Variants in ZNF441 observed in about 807,000 individuals in gnomAD.
The protein encoded by ZNF441 is zinc finger protein 441.
A neutral mutation model predicts 64.5 loss-of-function variants in ZNF441; 25 were observed. The observed-to-expected ratio is 0.39, with a 90% confidence interval of 0.28 to 0.54. ZNF441 has a LOEUF of 0.54. ZNF441 is among the 20% of genes least tolerant of loss of function. ZNF441 has a pLI of 0.70. For missense variants in ZNF441, 715 were observed against 843.3 expected (o/e 0.85, Z 1.88); for synonymous variants, 262 against 268.0 (o/e 0.98, Z 0.22).
chr19:11,777,263 G>T (rs1480336078), intron 1 of ZNF441, among the ~76,000 whole-genome samples: 1 of 151,922 alleles, frequency 6.6e-6, no homozygotes, highest in Admixed American at 6.5e-5. Flanking sequence ...GAGCCTTCTT[G>T]CTGGTAACTC....
chr19:11,780,448 T>C lies in ZNF441; in HGVS notation c.624T>C (p.Pro208=), dbSNP rs769222237. 3 of 1,614,118 alleles carry C rather than the reference T, an allele frequency of 1.9e-6. No homozygotes were observed. Among genetic ancestry groups the C allele is most frequent in the South Asian group, 2.2e-5 (2 of 91,072 alleles). ...CKLCGNAFIW[P]SLFHMLRRTH... ...TGTGTGGAAACGCCTTTATTTGGCC[T>C]AGTTTATTTCATATGCTTAGAAGAA... Residue 208 remains proline, a synonymous_variant, in exon 4 of 4, where the codon CCT becomes CCC. Transcript: ENST00000357901.
intron 3 of ZNF441, among the ~76,000 whole-genome samples, chr19:11,779,669 C>T (rs1237631363): frequency 6.6e-6 from 1 of 151,286 alleles, no homozygotes; most frequent in Non-Finnish European, 1.5e-5. Flanking sequence ...GGTGTGAACC[C>T]GGGGGAGGTA....
chr19:11,774,682 C>T (rs1975340971), intron 1 of ZNF441, among the ~76,000 whole-genome samples: 1 of 152,088 alleles, frequency 6.6e-6, no homozygotes, highest in Admixed American at 6.5e-5. Flanking sequence ...GTTCTTTGTT[C>T]ATAATTGCCT....
chr19:11,770,204 AC>A (rs1397323630), intron 1 of ZNF441, among the ~76,000 whole-genome samples: 5 of 152,102 alleles, frequency 3.3e-5, no homozygotes, highest in Admixed American at 6.5e-5. Context: ...GGCACTTCTT[AC>A]ATGGTGGCAG....
At chr19:11,776,167 A>G (rs1975353720) in intron 1 of ZNF441, among the ~76,000 whole-genome samples, 1 of 152,224 alleles carries the variant, frequency 6.6e-6, no homozygotes. Flanking sequence ...ATTGAAAAAT[A>G]CAAAGGTGCA....
At chr19:11,775,403 C>T (rs1975346361) in intron 1 of ZNF441, among the ~76,000 whole-genome samples, 1 of 152,112 alleles carries the variant, frequency 6.6e-6, no homozygotes, top group African/African-American at 2.4e-5. Flanking sequence ...AATCTCAGCT[C>T]ACTGCAAGCT....
Position 11,781,102 on chromosome 19 carries a change from A to G in ZNF441, c.1278A>G (p.Lys426=). The G allele has an allele frequency of 6.2e-7, 1 of 1,614,132 alleles. No homozygotes were observed. The highest frequency in any genetic ancestry group is 8.5e-7 in the Non-Finnish European group (1 of 1,180,022). ...EKPYKCKQCG[K]AFICCTYLQI... is the part of the protein sequence containing the mutation. ...CATATAAATGTAAACAATGTGGAAA[A>G]GCCTTCATTTGTTGCACTTACCTTC... Residue 426 remains lysine (K), a synonymous_variant, in exon 4 of 4, where the codon AAA becomes AAG. Coordinates refer to ENST00000357901, the MANE Select transcript of ZNF441 (RefSeq NM_152355.3).
chr19:11,775,817 G>A (rs903224784), intron 1 of ZNF441, among the ~76,000 whole-genome samples: 7 of 151,396 alleles, frequency 4.6e-5, no homozygotes, highest in Admixed American at 4.0e-4. Flanking sequence ...TAGTAGAGAC[G>A]GGGTTTCGAC....
chr19:11,778,457 AT>A, intron 3 of ZNF441, 64 bp downstream of exon 3: 1 of 1,293,280 alleles, frequency 7.7e-7, no homozygotes, highest in Non-Finnish European at 1.1e-6. Flanking sequence ...CAGAAATTTT[AT>A]TTTATTTTGT....
chr19:11,767,094 T>C lies in ZNF441; in HGVS notation c.-100T>C. On this transcript the variant is annotated 5_prime_UTR_variant, in exon 1 of 4. Coordinates refer to ENST00000357901, the MANE Select transcript of ZNF441 (RefSeq NM_152355.3). This position sits in a 1 kb window ranked among gnomAD's most constrained non-coding sequence, Gnocchi z 5.1. ...TGCACTGGGCTCCGGGTTCTGTCAC[T>C]GAGAGACGCCCTGGAACGTCTGTGG... 2 of 1,539,272 alleles carry C rather than the reference T, an allele frequency of 1.3e-6. No homozygotes were observed. Among genetic ancestry groups the C allele is most frequent in the Non-Finnish European group, 1.8e-6 (2 of 1,136,622 alleles).
rs8102865 is a variant in ZNF441 at position 11,778,221 on chromosome 19, G to A, written c.131-109G>A. The A allele has an allele frequency of 4.5e-3, 3,422 of 768,102 alleles. 90 individuals carry two copies. In the African/African-American group the frequency reaches 0.055, roughly 12 times the overall value. The allele number at this position is 768,102 out of a possible 1,614,324, so 47.6% of individuals were successfully genotyped here. A position where few individuals can be genotyped will look rare whatever the true frequency, so the allele number is the denominator to read the frequency against. ...AGTTCAAACCTGTGTTGAAGACTCA[G>A]CTGTAGTTTGGTGTGTGAATCATGC... On this transcript the variant is annotated intron_variant, in intron 2 of 3. Transcript: ENST00000357901.
Position 11,778,316 on chromosome 19 carries a change from GTT to G in ZNF441, c.131-13_131-12del. The G allele has an allele frequency of 6.6e-7, 1 of 1,506,110 alleles. No individual in the cohort carries two copies. The allele number at this position is 1,506,110 out of a possible 1,614,324, so 93.3% of individuals were successfully genotyped here. On this transcript the variant is annotated splice_polypyrimidine_tract_variant and intron_variant, in intron 2 of 3. Coordinates refer to ENST00000357901, the MANE Select transcript of ZNF441 (RefSeq NM_152355.3). ...ATAATAATTTATAGTCATTTTTCTG[GTT>G]CTAACTTTTAGGAATGATATGGCAA...
chr19:11,773,785 CTAGAATTGCA>C (rs1364071937), intron 1 of ZNF441, among the ~76,000 whole-genome samples: 1 of 152,086 alleles, frequency 6.6e-6, no homozygotes, highest in Non-Finnish European at 1.5e-5. Flanking sequence ...TTGATTAGGG[CTAGAATTGCA>C]TATATTTATC....
rs781566896 is a variant in ZNF441, at chr19:11,781,291, C to T, written c.1467C>T (p.Ser489=). 6.2e-7 allele frequency: 1 copy of T among 1,612,466 alleles called. No homozygotes were observed. Among genetic ancestry groups the T allele is most frequent in the Non-Finnish European group, 8.5e-7 (1 of 1,179,570 alleles). Residue 489 remains serine (S), a synonymous_variant, in exon 4 of 4, where the codon AGC becomes AGT. Transcript: ENST00000357901. Reference sequence around the variant, plus strand: ...GAAAAGCACTTTCTCATCTGAAAAGCTTTCAGAGACACATGATAATGCACA... The same window carrying T: ...GAAAAGCACTTTCTCATCTGAAAAGTTTTCAGAGACACATGATAATGCACA... ...QCGKALSHLK[S]FQRHMIMHTG...
Position 11,780,071 on chromosome 19 carries a change from G to A in ZNF441, c.247G>A (p.Gly83Arg). ...AATTAAAGATAATAGTCAATGTGGA[G>A]GACCCTTTACCCAGACTCAAGACAG... is the stretch of plus-strand genomic sequence containing the variant. The part of the protein sequence containing the change: ...CEIKDNSQCG[G>R]PFTQTQDSIV... The change falls in exon 4 of 4, where the codon GGA (glycine) becomes AGA (arginine). Residue 83 changes from glycine to arginine, a missense_variant. Physicochemically the swap from Gly to Arg is moderately radical, Grantham distance 125. Transcript: ENST00000357901. 1 of 1,614,038 alleles carries A rather than the reference G, an allele frequency of 6.2e-7. No homozygotes were observed.
At chr19:11,769,297 T>C (rs1359787668) in intron 1 of ZNF441, among the ~76,000 whole-genome samples, 1 of 152,194 alleles carries the variant, frequency 6.6e-6, no homozygotes, top group African/African-American at 2.4e-5. Context: ...GGGCAGAAGA[T>C]GGATTATTCT....
chr19:11,778,533 G>A lies in ZNF441; in HGVS notation c.194+140G>A, dbSNP rs966115927. The A allele has an allele frequency of 5.6e-5, 36 of 637,742 alleles. No homozygotes were observed. The East Asian group carries it at 9.9e-4, about 18-fold the overall frequency. 39.5% of individuals were successfully genotyped at this position (637,742 alleles called of 1,614,324 possible). A position where few individuals can be genotyped will look rare whatever the true frequency, so the allele number is the denominator to read the frequency against. On this transcript the variant is annotated intron_variant, in intron 3 of 3. Transcript: ENST00000357901. Reference sequence around the variant, plus strand: ...GAGTACAGTGGTATGATCATAGCTCGCTGTAGCCTCGGACTCCTGTGCTCA... The same window carrying A: ...GAGTACAGTGGTATGATCATAGCTCACTGTAGCCTCGGACTCCTGTGCTCA...
chr19:11,778,070 TACA>T, intron 2 of ZNF441: 1 of 446,586 alleles, frequency 2.2e-6, no homozygotes, highest in Non-Finnish European at 4.0e-6. Context: ...TCATAGAAAA[TACA>T]ACATTACAAA....
chr19:11,773,043 G>A (rs1254681369), intron 1 of ZNF441, among the ~76,000 whole-genome samples: 2 of 152,038 alleles, frequency 1.3e-5, no homozygotes, highest in South Asian at 2.1e-4. Context: ...CGCCCGCCTC[G>A]GCCTCCCAAA....
Sources: gnomAD v4.1 joint callset for allele counts (sites outside exome capture counted in the v4.1 genomes callset) on GRCh38, gnomAD v4.1.1 for gene constraint, Gnocchi (gnomAD v3.1) non-coding constraint, MANE v1.5 for transcripts, NCBI Gene and HGNC (gene_info 2026-07-23, HGNC 2026-07-21) for gene names.